The following ALMS1 variants were observed in gnomAD, a reference collection of about 807,000 sequenced individuals.
ALMS1 encodes ALMS1 centrosome and basal body associated protein.
ALMS1 carries 271 observed loss-of-function variants against 352.2 expected under a neutral mutation model. The ratio of observed to expected loss-of-function variants is 0.77; its 90% CI spans 0.70 to 0.85. The LOEUF is 0.85. Among genes scored for constraint, ALMS1 ranks in the 40% least tolerant of loss-of-function variants. The pLI is 0.00. For synonymous variants in ALMS1, 1,865 were observed against 1,761.2 expected, an observed-to-expected ratio of 1.06 and a Z score of -1.48; for missense variants, 5,445 against 4,870.7, an observed-to-expected ratio of 1.12 and a Z score of -3.51.
intron 12 of ALMS1, 50 bp downstream of exon 12, chr2:73,534,999 G>A (rs1673997482): frequency 6.2e-7 from 1 of 1,607,300 alleles, no homozygotes; most frequent in African/African-American, 1.3e-5. Context: ...TTTTATTTGT[G>A]TATTGGCTAG....
At chr2:73,603,715 C>CT (rs1675751351) in intron 21 of ALMS1, 2 of 259,478 alleles carry the variant, frequency 7.7e-6, no homozygotes, top group African/African-American at 4.6e-5. Flanking sequence ...CAAAAATTAG[C>CT]TGGGTGTGGA....
chr2:73,583,008 G>T lies in ALMS1; in HGVS notation c.11547+9584G>T, dbSNP rs552849226. On this transcript the variant is annotated intron_variant, in intron 16 of 22. Transcript: ENST00000613296. Reference sequence around the variant, plus strand: ...GCAATGCCACCAACAATGTACAAGGGTTCTAATTTCTTTACATCCTTACCA... The same window carrying T: ...GCAATGCCACCAACAATGTACAAGGTTTCTAATTTCTTTACATCCTTACCA... Among the ~76,000 whole-genome samples, 87 of 150,386 alleles carry T rather than the reference G, an allele frequency of 5.8e-4. 2 individuals carry two copies. Among genetic ancestry groups the T allele is most frequent in the Admixed American group, 5.7e-3 (86 of 15,130 alleles).
rs77709090 is a variant in ALMS1, at chr2:73,438,509, A to G, written c.1432+6218A>G. Among the ~76,000 whole-genome samples the G allele has an allele frequency of 9.3e-3, 1,416 of 152,348 alleles. 28 individuals are homozygous for G. The highest frequency in any genetic ancestry group is 0.032 in the African/African-American group (1,343 of 41,588). ...TAGGGTAGTGAATTTAGTTTTGGACATACTGAGTTTGATTTGTCGGGAGAT... is the reference window on the plus strand; with the variant it reads ...TAGGGTAGTGAATTTAGTTTTGGACGTACTGAGTTTGATTTGTCGGGAGAT... On this transcript the variant is annotated intron_variant, in intron 7 of 22. Coordinates refer to ENST00000613296, the MANE Select transcript of ALMS1 (RefSeq NM_001378454.1).
At chr2:73,412,196 T>C (rs1040731666) in intron 2 of ALMS1, among the ~76,000 whole-genome samples, 5 of 152,216 alleles carry the variant, frequency 3.3e-5, no homozygotes, top group Non-Finnish European at 5.9e-5. Context: ...TAGACAGCAC[T>C]GCCTTCACAA....
chr2:73,591,239 T>C (rs1675426889), intron 16 of ALMS1, among the ~76,000 whole-genome samples: 1 of 152,228 alleles, frequency 6.6e-6, no homozygotes, highest in East Asian at 1.9e-4. Context: ...TAAAAAATTA[T>C]CCTGCTTTAC....
chr2:73,516,430 A>G (rs938158710), intron 10 of ALMS1, among the ~76,000 whole-genome samples: 1 of 152,362 alleles, frequency 6.6e-6, no homozygotes, highest in Admixed American at 6.5e-5. Flanking sequence ...TCAACTCAGC[A>G]GTCCCATTAC....
intron 10 of ALMS1, among the ~76,000 whole-genome samples, chr2:73,497,633 G>T (rs896665196): frequency 2.0e-5 from 3 of 152,066 alleles, no homozygotes; most frequent in African/African-American, 7.2e-5. Context: ...AATTGTCGTT[G>T]GTTGATGGGC....
In ALMS1 at chr2:73,447,895, T is replaced by G; in HGVS notation, c.1433-65T>G. Reference sequence around the variant, plus strand: ...TTTTAAAGGCTCAAAGCTGGCTTTTTTCCAGCACATAGAATTTTAAAATAG... The same window carrying G: ...TTTTAAAGGCTCAAAGCTGGCTTTTGTCCAGCACATAGAATTTTAAAATAG... On this transcript the variant is annotated intron_variant, in intron 7 of 22. Coordinates refer to ENST00000613296, the MANE Select transcript of ALMS1 (RefSeq NM_001378454.1). 8 of 1,494,022 alleles carry G rather than the reference T, an allele frequency of 5.4e-6. No individual in the cohort carries two copies. The South Asian group carries it at 1.1e-4, about 21-fold the overall frequency. The allele number at this position is 1,494,022 out of a possible 1,614,324, so 92.5% of individuals were successfully genotyped here.
rs771235064 is a variant in ALMS1, at chr2:73,449,655, C to T, written c.3128C>T (p.Pro1043Leu). The change falls in exon 8 of 23, where the codon CCA (proline) becomes CTA (leucine). Residue 1043 changes from proline (P) to leucine (L), a missense_variant. Coordinates refer to ENST00000613296, the MANE Select transcript of ALMS1 (RefSeq NM_001378454.1). The part of the protein sequence containing the change: ...PGPADQKTEI[P>L]AVQSSSYPQR... ...CCAGCTGACCAGAAGACTGAGATACCAGCAGTACAGTCTAGTTCTTACCCA... is the reference window on the plus strand; with the variant it reads ...CCAGCTGACCAGAAGACTGAGATACTAGCAGTACAGTCTAGTTCTTACCCA... 1.2e-6 allele frequency: 2 copies of T among 1,614,048 alleles called. No homozygotes were observed. Among genetic ancestry groups the T allele is most frequent in the Non-Finnish European group, 1.7e-6 (2 of 1,179,946 alleles).
At chr2:73,579,399 C>T (rs556791349) in intron 16 of ALMS1, among the ~76,000 whole-genome samples, 18 of 149,892 alleles carry the variant, frequency 1.2e-4, no homozygotes, top group African/African-American at 3.9e-4. Context: ...CTCACTCTGT[C>T]GCCCAGGCTG....
chr2:73,499,166 T>C (rs1368031154), intron 10 of ALMS1, among the ~76,000 whole-genome samples: 2 of 152,186 alleles, frequency 1.3e-5, no homozygotes. Flanking sequence ...TATCTCATTG[T>C]AGTTTTTAGT....
At position 73,449,725 on chromosome 2, in the gene ALMS1, C is replaced by T; in HGVS notation, c.3198C>T (p.Asp1066=). ...PSVLYPQVLS[D]SHLPEESLKV... is the part of the protein sequence containing the mutation. The stretch of plus-strand genomic sequence containing the variant: ...TTTTGTACCCACAGGTGTTATCAGA[C>T]AGTCATCTACCTGAAGAGAGTCTGA... The change falls in exon 8 of 23, where the codon GAC becomes GAT. Residue 1066 remains aspartate (D), a synonymous_variant. Coordinates refer to ENST00000613296, the MANE Select transcript of ALMS1 (RefSeq NM_001378454.1). The T allele has an allele frequency of 6.2e-7, 1 of 1,614,106 alleles. No homozygotes were observed.
chr2:73,554,958 T>C (rs1052849636), intron 13 of ALMS1, among the ~76,000 whole-genome samples: 2 of 152,188 alleles, frequency 1.3e-5, no homozygotes. Flanking sequence ...GGAATGAATC[T>C]TAAAGGGCAT....
chr2:73,519,770 G>A lies in ALMS1; in HGVS notation c.9540-5G>A, dbSNP rs755268745. ...TCTGCTGTATTCTTTCTCTTTTTTGGTCAGATTACCAGAGAAGATGAAGAC... is the reference window on the plus strand; with the variant it reads ...TCTGCTGTATTCTTTCTCTTTTTTGATCAGATTACCAGAGAAGATGAAGAC... On this transcript the variant is annotated splice_polypyrimidine_tract_variant and splice_region_variant and intron_variant, in intron 10 of 22. Transcript: ENST00000613296. 6.2e-7 allele frequency: 1 copy of A among 1,613,304 alleles called. No homozygotes were observed.
Position 73,386,129 on chromosome 2 carries a change from T to A in ALMS1, c.261T>A (p.Ile87=), listed in dbSNP as rs1370765508. 1 of 1,571,422 alleles carries A rather than the reference T, an allele frequency of 6.4e-7. No individual in the cohort carries two copies. The highest frequency in any genetic ancestry group is 8.6e-7 in the Non-Finnish European group (1 of 1,159,180). Residue 87 remains isoleucine (I), a synonymous_variant, in exon 1 of 23, where the codon ATT becomes ATA. Coordinates refer to ENST00000613296, the MANE Select transcript of ALMS1 (RefSeq NM_001378454.1). ...KAWLQAHPGR[I]LPPLSPPQHR... ...GGCTGCAGGCGCACCCCGGCAGGAT[T>A]TTGCCTCCGCTGTCGCCCCCGCAGC...
At position 73,572,921 on chromosome 2, in the gene ALMS1, C is replaced by G. The variant is rs1674970712; in HGVS notation, c.11044C>G (p.Leu3682Val). Residue 3682 changes from leucine to valine, a missense_variant, in exon 16 of 23, where the codon CTA (leucine) becomes GTA (valine). By Grantham distance (32) the Leu-to-Val change is conservative. Transcript: ENST00000613296. ...TCAGAAAAAGAAGCGGTTTAAAAGC[C>G]TAGAGAAAAGCCATAAAAATACAGG... ...KLQKKKRFKS[L>V]EKSHKNTGEL... 1 of 1,613,872 alleles carries G rather than the reference C, an allele frequency of 6.2e-7. No homozygotes were observed.
chr2:73,455,316 T>G (rs766790761), intron 9 of ALMS1, 21 bp downstream of exon 9: 28 of 1,613,384 alleles, frequency 1.7e-5, no homozygotes, highest in Non-Finnish European at 2.3e-5. Flanking sequence ...AATCTGGAAA[T>G]GAAGAAAGTA....
chr2:73,535,343 A>G (rs895109752), intron 12 of ALMS1, among the ~76,000 whole-genome samples: 10 of 152,312 alleles, frequency 6.6e-5, no homozygotes, highest in African/African-American at 2.4e-4. Flanking sequence ...TCTGACAACT[A>G]ATTTAACAAA....
Position 73,573,142 on chromosome 2 carries a change from C to T in ALMS1, c.11265C>T (p.Ser3755=), listed in dbSNP as rs145984939. 8.0e-5 allele frequency: 129 copies of T among 1,613,824 alleles called. No homozygotes were observed. Among genetic ancestry groups the T allele is most frequent in the African/African-American group, 1.5e-4 (11 of 74,998 alleles). Residue 3755 remains serine, a synonymous_variant, in exon 16 of 23, where the codon TCC becomes TCT. Coordinates refer to ENST00000613296, the MANE Select transcript of ALMS1 (RefSeq NM_001378454.1). The part of the protein sequence containing the change: ...LLTDTTTNIL[S]GTTSTVESDI... ...CAGATACTACCACCAACATCCTTTC[C>T]GGCACCACTTCTACTGTCGAATCAG... is the stretch of plus-strand genomic sequence containing the variant.
Sources: allele counts gnomAD v4.1 joint callset (sites outside exome capture counted in the v4.1 genomes callset), GRCh38; gene constraint gnomAD v4.1.1; transcripts MANE v1.5; gene names NCBI Gene and HGNC (gene_info 2026-07-23, HGNC 2026-07-21).